FAM171A1: variants seen among roughly 807,000 people sequenced by gnomAD.
FAM171A1 encodes protein FAM171A1.
Under a neutral mutation model 74.9 loss-of-function variants are expected in FAM171A1, and 23 were observed. The observed-to-expected ratio is 0.31, with a 90% CI of 0.22 to 0.44. FAM171A1 has a LOEUF of 0.44. Among genes scored for constraint, FAM171A1 ranks in the 20% least tolerant of loss-of-function variants. The pLI is 1.00. For missense variants in FAM171A1, 1,162 were observed against 1,159.2 expected, an observed-to-expected ratio of 1.00 and a Z score of -0.03; for synonymous variants, 527 against 505.7, an observed-to-expected ratio of 1.04 and a Z score of -0.57.
chr10:15,328,629 G>C (rs1271295376), intron 1 of FAM171A1, among the ~76,000 whole-genome samples: 2 of 152,156 alleles, frequency 1.3e-5, no homozygotes, highest in Non-Finnish European at 2.9e-5. Flanking sequence ...AGTAGTGCAG[G>C]CATCTGGCTG....
chr10:15,292,061 G>A (rs538910162), intron 1 of FAM171A1, among the ~76,000 whole-genome samples: 19 of 152,300 alleles, frequency 1.2e-4, no homozygotes, highest in Non-Finnish European at 2.4e-4. Flanking sequence ...TTAGTCCAAG[G>A]TTAGGGCAGA....
intron 1 of FAM171A1, among the ~76,000 whole-genome samples, chr10:15,331,743 G>T (rs897931134): frequency 9.9e-5 from 15 of 150,810 alleles, no homozygotes; most frequent in African/African-American, 3.7e-4. Context: ...ATATGTGTGT[G>T]TGTGTGTGTA....
At chr10:15,230,845 T>C (rs780521633) in intron 5 of FAM171A1, among the ~76,000 whole-genome samples, 5 of 152,208 alleles carry the variant, frequency 3.3e-5, no homozygotes, top group Non-Finnish European at 7.3e-5. Context: ...TAGATATATA[T>C]ACATTTCCTG....
intron 3 of FAM171A1, among the ~76,000 whole-genome samples, chr10:15,269,140 G>A (rs1018531233): frequency 6.6e-6 from 1 of 151,982 alleles, no homozygotes; most frequent in Admixed American, 6.6e-5. Context: ...TTGAGACAGG[G>A]ACTTACTCTG....
chr10:15,317,628 T>C (rs1408225710), intron 1 of FAM171A1, among the ~76,000 whole-genome samples: 3 of 152,010 alleles, frequency 2.0e-5, no homozygotes, highest in Non-Finnish European at 4.4e-5. Context: ...CTCCTGACCT[T>C]GTGATCTGCC....
intron 1 of FAM171A1, 63 bp from the exon 2 acceptor site, chr10:15,284,168 G>C: frequency 4.2e-6 from 6 of 1,435,758 alleles, no homozygotes; most frequent in Non-Finnish European, 5.8e-6. Flanking sequence ...AGCAACTCTG[G>C]TATGACTGTG....
intron 4 of FAM171A1, among the ~76,000 whole-genome samples, chr10:15,252,027 G>A (rs1032971571): frequency 6.6e-6 from 1 of 152,126 alleles, no homozygotes; most frequent in Non-Finnish European, 1.5e-5. Context: ...GTTGGGCTCT[G>A]TATTCTACCA....
chr10:15,360,804 C>A (rs998740554), intron 1 of FAM171A1, among the ~76,000 whole-genome samples: 4 of 152,218 alleles, frequency 2.6e-5, no homozygotes, highest in African/African-American at 9.6e-5. Context: ...AATCTGCTTT[C>A]TAGAAACCAC....
At chr10:15,306,676 T>C (rs952747444) in intron 1 of FAM171A1, among the ~76,000 whole-genome samples, 22 of 152,328 alleles carry the variant, frequency 1.4e-4, no homozygotes, top group Non-Finnish European at 2.5e-4. Context: ...TAGCCATTCT[T>C]TTTCAATGGA....
chr10:15,228,464 T>C (rs1320531907), intron 5 of FAM171A1, among the ~76,000 whole-genome samples: 1 of 150,376 alleles, frequency 6.6e-6, no homozygotes, highest in Non-Finnish European at 1.5e-5. Flanking sequence ...CACTTCAGCC[T>C]CCTGAGTAGC....
intron 3 of FAM171A1, among the ~76,000 whole-genome samples, 193 bp downstream of exon 3, chr10:15,275,662 G>C (rs1834883988): frequency 6.6e-6 from 1 of 152,068 alleles, no homozygotes; most frequent in Admixed American, 6.6e-5. Flanking sequence ...AATGAAAAGA[G>C]TAAATTTCAA....
chr10:15,266,645 C>T (rs1484897968), intron 3 of FAM171A1, among the ~76,000 whole-genome samples: 1 of 151,990 alleles, frequency 6.6e-6, no homozygotes, highest in African/African-American at 2.4e-5. Flanking sequence ...GTGGGCGGAT[C>T]ACTTGAGGTC....
chr10:15,264,656 T>C (rs1045587255), intron 3 of FAM171A1, among the ~76,000 whole-genome samples: 6 of 151,478 alleles, frequency 4.0e-5, no homozygotes, highest in Non-Finnish European at 8.8e-5. Flanking sequence ...TGGTGGTGTA[T>C]ACTGTAGTCC....
chr10:15,229,129 A>G (rs1054726368), intron 5 of FAM171A1, among the ~76,000 whole-genome samples: 1 of 152,206 alleles, frequency 6.6e-6, no homozygotes, highest in African/African-American at 2.4e-5. Context: ...CCACACTGTG[A>G]AACATAGCCA....
At chr10:15,251,277 T>C (rs1471459824) in intron 4 of FAM171A1, among the ~76,000 whole-genome samples, 1 of 152,194 alleles carries the variant, frequency 6.6e-6, no homozygotes, top group South Asian at 2.1e-4. Flanking sequence ...TCTTAAGACA[T>C]TGTGGGGAAT....
chr10:15,242,959 C>T (rs1309552879), intron 5 of FAM171A1, among the ~76,000 whole-genome samples: 1 of 152,192 alleles, frequency 6.6e-6, no homozygotes, highest in Non-Finnish European at 1.5e-5. Flanking sequence ...GTATTCATTT[C>T]CTATTGCTGC....
chr10:15,312,118 A>G (rs1464027346), intron 1 of FAM171A1, among the ~76,000 whole-genome samples: 1 of 152,232 alleles, frequency 6.6e-6, no homozygotes, highest in Non-Finnish European at 1.5e-5. Flanking sequence ...ACTTCCTATT[A>G]TACCAAAGCT....
rs1282502358 is a variant in FAM171A1, at chr10:15,214,383, A to G, written c.1205T>C (p.Met402Thr). 6.2e-7 allele frequency: 1 copy of G among 1,613,762 alleles called. No individual in the cohort carries two copies. The highest frequency in any genetic ancestry group is 1.1e-5 in the South Asian group (1 of 91,036). Residue 402 changes from methionine (M) to threonine (T), a missense_variant, in exon 8 of 8, where the codon ATG (methionine) becomes ACG (threonine). Physicochemically the swap from Met to Thr is moderately conservative, Grantham distance 81 (BLOSUM62 -1). Coordinates refer to ENST00000378116, the MANE Select transcript of FAM171A1 (RefSeq NM_001010924.2). The part of the protein sequence containing the change: ...ELMSGVHLEM[M>T]SPGGEGDLHT... ...CAGGTCCCCTTCGCCGCCCGGAGAC[A>G]TCATTTCCAAATGGACTCCACTCAT...
upstream of FAM171A1, among the ~76,000 whole-genome samples, chr10:15,371,527 C>A (rs996029932): frequency 1.3e-5 from 2 of 152,102 alleles, no homozygotes; most frequent in Non-Finnish European, 2.9e-5. Flanking sequence ...ACCCAAGGGG[C>A]CGCAGGAGAC....
Sources: gnomAD v4.1 joint callset for allele counts (sites outside exome capture counted in the v4.1 genomes callset) on GRCh38, gnomAD v4.1.1 for gene constraint, MANE v1.5 for transcripts, NCBI Gene and HGNC (gene_info 2026-07-23, HGNC 2026-07-21) for gene names.